Variants in SNTG2 observed in about 807,000 individuals in gnomAD.
The protein encoded by SNTG2 is gamma-2-syntrophin.
In SNTG2, 74 loss-of-function variants were observed where a neutral mutation model predicts 70.9. That is an observed-to-expected ratio of 1.04 (90% CI 0.86 to 1.27). The LOEUF (loss-of-function observed/expected upper bound fraction) is 1.27. SNTG2 is among the 50% of genes most tolerant of loss of function. The pLI, the probability that SNTG2 is intolerant of heterozygous loss-of-function variation, is 0.00. For missense variants in SNTG2, 717 were observed against 690.7 expected (o/e 1.04, Z -0.43); for synonymous variants, 278 against 273.8 (o/e 1.02, Z -0.15).
chr2:1,179,993 C>T (rs1384189768), intron 8 of SNTG2, among the ~76,000 whole-genome samples: 145 of 128,022 alleles, frequency 1.1e-3, no homozygotes, highest in East Asian at 4.4e-3. Context: ...ATAAATGGTG[C>T]TGGGAAAACT....
intron 1 of SNTG2, among the ~76,000 whole-genome samples, chr2:965,112 C>G (rs575319923): frequency 1.3e-5 from 2 of 150,626 alleles, no homozygotes; most frequent in East Asian, 4.1e-4. Context: ...CTCCTTGGAC[C>G]CCAGTCCTCC....
intron 8 of SNTG2, among the ~76,000 whole-genome samples, chr2:1,187,691 C>G (rs1196343139): frequency 1.3e-5 from 2 of 152,116 alleles, no homozygotes; most frequent in Non-Finnish European, 2.9e-5. Context: ...CAAGAAGCAA[C>G]AGGCAATCTT....
chr2:1,099,179 C>T (rs1054234769), intron 4 of SNTG2, among the ~76,000 whole-genome samples: 1 of 152,176 alleles, frequency 6.6e-6, no homozygotes, highest in Non-Finnish European at 1.5e-5. Flanking sequence ...CAGCCTCAGG[C>T]CACTCCTCCC....
intron 1 of SNTG2, among the ~76,000 whole-genome samples, chr2:1,010,054 C>CT (rs1226195574): frequency 1.3e-5 from 2 of 152,046 alleles, no homozygotes; most frequent in African/African-American, 4.8e-5. Flanking sequence ...AGAACACACT[C>CT]TATTATTATT....
chr2:1,178,278 A>T (rs1671619239), intron 8 of SNTG2, among the ~76,000 whole-genome samples: 1 of 152,120 alleles, frequency 6.6e-6, no homozygotes, highest in South Asian at 2.1e-4. Flanking sequence ...TCTTTTCCTA[A>T]TTGAATACCC....
intron 1 of SNTG2, among the ~76,000 whole-genome samples, chr2:1,045,195 A>T (rs766418745): frequency 6.6e-6 from 1 of 151,978 alleles, no homozygotes; most frequent in Non-Finnish European, 1.5e-5. Context: ...TGTTCATAGT[A>T]GTTTCAGAGG....
chr2:1,031,528 A>ATATATTTTTTT, intron 1 of SNTG2, among the ~76,000 whole-genome samples: 1 of 59,142 alleles, frequency 1.7e-5, no homozygotes, highest in Non-Finnish European at 3.1e-5. Context: ...ATATATATAT[A>ATATATTTTTTT]TTTTTTTTTT....
chr2:1,248,492 A>G (rs571251044), intron 12 of SNTG2, among the ~76,000 whole-genome samples: 1 of 152,370 alleles, frequency 6.6e-6, no homozygotes, highest in Admixed American at 6.5e-5. Flanking sequence ...AGGTTTTGAA[A>G]TAAACCAGCA....
intron 1 of SNTG2, among the ~76,000 whole-genome samples, chr2:1,026,691 C>T (rs957565900): frequency 2.6e-5 from 4 of 152,288 alleles, no homozygotes; most frequent in East Asian, 1.9e-4. Context: ...AAACAACCCT[C>T]GGAATAACCC....
At chr2:1,199,516 G>A (rs1276927278) in intron 8 of SNTG2, among the ~76,000 whole-genome samples, 1 of 152,014 alleles carries the variant, frequency 6.6e-6, no homozygotes, top group East Asian at 1.9e-4. Flanking sequence ...GGAAGTCCTA[G>A]ACAGAACAAT....
At chr2:1,079,597 A>C (rs543907577) in intron 1 of SNTG2, among the ~76,000 whole-genome samples, 39 of 152,288 alleles carry the variant, frequency 2.6e-4, no homozygotes, top group African/African-American at 8.7e-4. Context: ...TAGCATTTAA[A>C]ATTTTATATA....
chr2:995,676 ATTTCT>A (rs2147982197), intron 1 of SNTG2, among the ~76,000 whole-genome samples: 2 of 127,322 alleles, frequency 1.6e-5, no homozygotes, highest in South Asian at 6.5e-4. Context: ...CTACTATTTC[ATTTCT>A]GTGTTTGCTG....
intron 16 of SNTG2, among the ~76,000 whole-genome samples, chr2:1,322,706 G>A (rs966426184): frequency 1.1e-4 from 17 of 151,900 alleles, no homozygotes; most frequent in African/African-American, 4.1e-4. Context: ...TCCTACTGGG[G>A]TACCTGAGTA....
intron 1 of SNTG2, among the ~76,000 whole-genome samples, chr2:970,566 A>G (rs1227174917): frequency 1.4e-5 from 2 of 143,334 alleles, no homozygotes; most frequent in East Asian, 2.0e-4. Context: ...ATGATTTCCA[A>G]TTTCATCCAT....
intron 6 of SNTG2, among the ~76,000 whole-genome samples, chr2:1,164,998 A>T (rs1670612043): frequency 6.6e-6 from 1 of 152,232 alleles, no homozygotes; most frequent in Non-Finnish European, 1.5e-5. Context: ...CTGATTTTAG[A>T]TGCTGTGTTG....
intron 6 of SNTG2, among the ~76,000 whole-genome samples, chr2:1,145,105 A>G (rs961536573): frequency 7.9e-5 from 12 of 152,264 alleles, no homozygotes; most frequent in Non-Finnish European, 1.6e-4. Flanking sequence ...TTGAAAGCAT[A>G]TATTAGAAGA....
chr2:1,281,037 C>G (rs1479483278), intron 14 of SNTG2, among the ~76,000 whole-genome samples: 2 of 152,152 alleles, frequency 1.3e-5, no homozygotes, highest in East Asian at 3.9e-4. Flanking sequence ...GTTTTTTATT[C>G]AGTTGTGCTT....
chr2:1,110,016 G>C (rs1215798601), intron 4 of SNTG2, among the ~76,000 whole-genome samples: 1 of 152,196 alleles, frequency 6.6e-6, no homozygotes, highest in East Asian at 1.9e-4. Context: ...GGGAATGTCA[G>C]GTTGGACACG....
At chr2:1,268,041 G>T (rs1203598178) in intron 14 of SNTG2, among the ~76,000 whole-genome samples, 2 of 152,220 alleles carry the variant, frequency 1.3e-5, no homozygotes, top group Non-Finnish European at 2.9e-5. Context: ...CAGCTTGTGT[G>T]TCTGAATTGC....
Sources: gnomAD v4.1 joint callset for allele counts (sites outside exome capture counted in the v4.1 genomes callset) on GRCh38, gnomAD v4.1.1 for gene constraint, MANE v1.5 for transcripts, NCBI Gene and HGNC (gene_info 2026-07-23, HGNC 2026-07-21) for gene names.